Variants in COL19A1 observed in about 807,000 individuals in gnomAD.
COL19A1 encodes the protein collagen type XIX alpha 1 chain.
A neutral mutation model predicts 190.2 loss-of-function variants in COL19A1; 159 were observed. The observed-to-expected ratio is 0.84, with a 90% CI of 0.73 to 0.95. The LOEUF is 0.95. Among genes scored for constraint, COL19A1 ranks in the 40% least tolerant of loss-of-function variants. COL19A1 has a pLI of 0.00. For synonymous variants in COL19A1, 509 were observed against 458.9 expected (o/e 1.11, Z -1.39); for missense variants, 1,418 against 1,431.9 (o/e 0.99, Z 0.16).
In COL19A1 at chr6:70,211,169, C is replaced by T. The variant is rs989974854; in HGVS notation, c.*3895C>T. Among the ~76,000 whole-genome samples, 2 of 151,920 alleles carry T rather than the reference C, an allele frequency of 1.3e-5. No homozygotes were observed. Among genetic ancestry groups the T allele is most frequent in the African/African-American group, 2.4e-5 (1 of 41,378 alleles). ...AAATTTTACAGTTATATTTGTATAA[C>T]GTTTATATTTTTCTAGAATACATCA... On this transcript the variant is annotated 3_prime_UTR_variant, in exon 51 of 51. Coordinates refer to ENST00000620364, the MANE Select transcript of COL19A1 (RefSeq NM_001858.6).
chr6:69,909,158 T>G (rs2149984277), intron 4 of COL19A1, among the ~76,000 whole-genome samples: 1 of 152,260 alleles, frequency 6.6e-6, no homozygotes, highest in African/African-American at 2.4e-5. Context: ...ATTTACAAAC[T>G]TATCCATTTT....
At chr6:69,911,961 C>T (rs1770954134) in intron 4 of COL19A1, among the ~76,000 whole-genome samples, 1 of 152,226 alleles carries the variant, frequency 6.6e-6, no homozygotes, top group African/African-American at 2.4e-5. Flanking sequence ...CATCCCTTAG[C>T]CCATTAAAAT....
intron 4 of COL19A1, among the ~76,000 whole-genome samples, chr6:69,904,204 TCTG>T (rs1358693664): frequency 6.6e-6 from 1 of 152,200 alleles, no homozygotes; most frequent in East Asian, 1.9e-4. Flanking sequence ...GATCAAATGG[TCTG>T]CTCTATACCC....
intron 9 of COL19A1, among the ~76,000 whole-genome samples, chr6:69,947,425 A>C (rs937465522): frequency 1.3e-5 from 2 of 151,866 alleles, no homozygotes; most frequent in African/African-American, 4.8e-5. Context: ...GTTTTTGTAG[A>C]ATATTTAAAA....
intron 14 of COL19A1, among the ~76,000 whole-genome samples, chr6:70,066,162 C>T (rs1430332887): frequency 3.9e-5 from 6 of 152,142 alleles, no homozygotes; most frequent in Non-Finnish European, 7.4e-5. Context: ...ATGTTTATTG[C>T]AGCACTGCTC....
At chr6:70,084,335 A>G (rs896459608) in intron 15 of COL19A1, among the ~76,000 whole-genome samples, 1 of 152,144 alleles carries the variant, frequency 6.6e-6, no homozygotes, top group African/African-American at 2.4e-5. Flanking sequence ...AAAGCCAGAA[A>G]TTGGTAGTCA....
chr6:70,001,154 A>G (rs1224939481), intron 11 of COL19A1, among the ~76,000 whole-genome samples: 1 of 151,910 alleles, frequency 6.6e-6, no homozygotes, highest in Admixed American at 6.6e-5. Flanking sequence ...GTTTTTGTCA[A>G]GTTTGTCGAA....
At chr6:70,105,686 C>T (rs1783910011) in intron 16 of COL19A1, among the ~76,000 whole-genome samples, 1 of 152,158 alleles carries the variant, frequency 6.6e-6, no homozygotes, top group Admixed American at 6.6e-5. Context: ...AAGAAGAGAA[C>T]AAGAGACGGG....
chr6:69,927,904 C>A lies in COL19A1; in HGVS notation c.267-5C>A. 1 of 1,592,680 alleles carries A rather than the reference C, an allele frequency of 6.3e-7. No individual in the cohort carries two copies. The highest frequency in any genetic ancestry group is 8.6e-7 in the Non-Finnish European group (1 of 1,167,428). ...CCACAAAAGTTCTTTGTTTTCCTCCCACAGTAAGATATTTCCCAAAGGCCT... is the reference window on the plus strand; with the variant it reads ...CCACAAAAGTTCTTTGTTTTCCTCCAACAGTAAGATATTTCCCAAAGGCCT... On this transcript the variant is annotated splice_polypyrimidine_tract_variant and splice_region_variant and intron_variant, in intron 4 of 50. Coordinates refer to ENST00000620364, the MANE Select transcript of COL19A1 (RefSeq NM_001858.6).
chr6:70,161,940 C>A lies in COL19A1; in HGVS notation c.2333C>A (p.Pro778Gln). 6.2e-7 allele frequency: 1 copy of A among 1,604,432 alleles called. No homozygotes were observed. Among genetic ancestry groups the A allele is most frequent in the South Asian group, 1.1e-5 (1 of 89,662 alleles). Residue 778 changes from proline to glutamine, a missense_variant, in exon 35 of 51, where the codon CCG (proline) becomes CAG (glutamine). By Grantham distance (76) the Pro-to-Gln change is moderately conservative. Transcript: ENST00000620364. ...CCAGGCATTCCAGGTGCTCCAGGCC[C>A]GACTGGACCCCCTGTAAGTATTTGT... The part of the protein sequence containing the change: ...GIPGIPGAPG[P>Q]TGPPGLMGRT...
chr6:69,956,540 G>C (rs1268737942), intron 9 of COL19A1, among the ~76,000 whole-genome samples: 1 of 151,922 alleles, frequency 6.6e-6, no homozygotes, highest in African/African-American at 2.4e-5. Flanking sequence ...ACGTTTAATG[G>C]ACTGCCAACA....
intron 11 of COL19A1, among the ~76,000 whole-genome samples, chr6:69,989,565 T>C (rs1348933566): frequency 6.6e-6 from 1 of 150,984 alleles, no homozygotes; most frequent in Non-Finnish European, 1.5e-5. Flanking sequence ...TTTTTTTTTT[T>C]TTTTGCTCAT....
chr6:70,211,589 A>G lies in COL19A1; in HGVS notation c.*4315A>G, dbSNP rs554658417. Reference sequence around the variant, plus strand: ...ATGCCTATGTAATTCAAAGTGACTTAGTCCATTGAATTGTGTTCATTTATT... The same window carrying G: ...ATGCCTATGTAATTCAAAGTGACTTGGTCCATTGAATTGTGTTCATTTATT... On this transcript the variant is annotated 3_prime_UTR_variant, in exon 51 of 51. Coordinates refer to ENST00000620364, the MANE Select transcript of COL19A1 (RefSeq NM_001858.6). Among the ~76,000 whole-genome samples the G allele has an allele frequency of 7.3e-5, 11 of 150,086 alleles. No homozygotes were observed. The South Asian group carries it at 2.4e-3, about 32-fold the overall frequency.
intron 11 of COL19A1, 99 bp downstream of exon 11, chr6:69,962,969 C>A: frequency 4.9e-6 from 4 of 818,234 alleles, no homozygotes; most frequent in Admixed American, 2.8e-5. Flanking sequence ...TCCCTATAAG[C>A]AATTCAATAA....
At chr6:70,099,675 A>T (rs1407754296) in intron 15 of COL19A1, among the ~76,000 whole-genome samples, 2 of 152,216 alleles carry the variant, frequency 1.3e-5, no homozygotes, top group Non-Finnish European at 2.9e-5. Context: ...ATCTTTAAAA[A>T]TTGTTCAAAT....
At chr6:70,115,118 C>A (rs1268732589) in intron 16 of COL19A1, among the ~76,000 whole-genome samples, 1 of 152,202 alleles carries the variant, frequency 6.6e-6, no homozygotes, top group Non-Finnish European at 1.5e-5. Flanking sequence ...TCTGCAGAGT[C>A]CTCAGCCTCC....
chr6:69,891,738 G>A (rs1769366193), intron 2 of COL19A1, among the ~76,000 whole-genome samples: 1 of 152,084 alleles, frequency 6.6e-6, no homozygotes, highest in Non-Finnish European at 1.5e-5. Flanking sequence ...CAGTAGCTTT[G>A]GAGTTCCCTA....
Position 70,180,453 on chromosome 6 carries a change from G to A in COL19A1, c.2713-8G>A. ...GCAATTAATTTGTGTCTGTGGATGTGTTTATAGGGTGAGAGAGGACCTGTT... is the reference window on the plus strand; with the variant it reads ...GCAATTAATTTGTGTCTGTGGATGTATTTATAGGGTGAGAGAGGACCTGTT... On this transcript the variant is annotated splice_region_variant and splice_polypyrimidine_tract_variant and intron_variant, in intron 43 of 50. Coordinates refer to ENST00000620364, the MANE Select transcript of COL19A1 (RefSeq NM_001858.6). The A allele has an allele frequency of 1.9e-6, 3 of 1,614,140 alleles. No homozygotes were observed. The highest frequency in any genetic ancestry group is 2.5e-6 in the Non-Finnish European group (3 of 1,180,012).
At chr6:70,094,256 C>T (rs1046221480) in intron 15 of COL19A1, among the ~76,000 whole-genome samples, 9 of 152,186 alleles carry the variant, frequency 5.9e-5, no homozygotes, top group Admixed American at 3.3e-4. Context: ...AAAAAGAAAA[C>T]TAAACTTCCC....
Sources: gnomAD v4.1 joint callset for allele counts (sites outside exome capture counted in the v4.1 genomes callset) on GRCh38, gnomAD v4.1.1 for gene constraint, MANE v1.5 for transcripts, NCBI Gene and HGNC (gene_info 2026-07-23, HGNC 2026-07-21) for gene names.